The following AGO2 variants were observed in gnomAD, a reference collection of about 807,000 sequenced individuals.
AGO2 encodes the protein protein argonaute-2.
In AGO2, 5 loss-of-function variants were observed where a neutral mutation model predicts 102.3. The ratio of observed to expected loss-of-function variants is 0.05; its 90% CI spans 0.03 to 0.10. The LOEUF (loss-of-function observed/expected upper bound fraction) is 0.10, where lower values mean the gene tolerates loss of function less well. AGO2 is among the 10% of genes least tolerant of loss of function. The probability of loss-of-function intolerance (pLI) is 1.00; values close to 1 mark genes in which losing one functional copy is unlikely to be tolerated. For synonymous variants in AGO2, 449 were observed against 473.1 expected, an observed-to-expected ratio of 0.95 and a Z score of 0.66; for missense variants, 541 against 1,183.7, an observed-to-expected ratio of 0.46 and a Z score of 7.97.
chr8:140,537,605 AT>A (rs71504804), intron 16 of AGO2, among the ~76,000 whole-genome samples: 33,308 of 151,110 alleles, frequency 0.22, 4,117 homozygotes, highest in East Asian at 0.31. Flanking sequence ...CCTGGCCCCA[AT>A]TTTTTTTCCT....
intron 4 of AGO2, 47 bp from the exon 5 acceptor site, chr8:140,560,557 G>A (rs755815354): frequency 1.1e-5 from 18 of 1,583,646 alleles, no homozygotes; most frequent in South Asian, 8.9e-5. Flanking sequence ...TGTGTCTTCC[G>A]GAAGGAACAG....
At chr8:140,602,469 T>C (rs1023538453) in intron 1 of AGO2, among the ~76,000 whole-genome samples, 5 of 152,234 alleles carry the variant, frequency 3.3e-5, no homozygotes, top group Non-Finnish European at 5.9e-5. Flanking sequence ...ACTGTTCCAA[T>C]GTTAATAAAA....
Position 140,601,981 on chromosome 8 carries a change from G to C in AGO2, c.23-16670C>G, listed in dbSNP as rs1238517580. Among the ~76,000 whole-genome samples the C allele has an allele frequency of 2.6e-5, 4 of 152,238 alleles. No individual in the cohort carries two copies. The South Asian group carries it at 6.2e-4, about 24-fold the overall frequency. On this transcript the variant is annotated intron_variant, in intron 1 of 18. Coordinates refer to ENST00000220592, the MANE Select transcript of AGO2 (RefSeq NM_012154.5). ...AGCCTGAATCCCTGAATAGCTGCAT[G>C]GAGCAGAGCAGCTAAGCCCACACAG...
chr8:140,611,478 C>T (rs750429503), intron 1 of AGO2, among the ~76,000 whole-genome samples: 4 of 152,108 alleles, frequency 2.6e-5, no homozygotes, highest in Non-Finnish European at 5.9e-5. Flanking sequence ...CAGGCGCCCA[C>T]CACCACACCG....
chr8:140,589,353 G>T lies in AGO2; in HGVS notation c.23-4042C>A, dbSNP rs964033850. ...CCGTGAAGCCGCTTTGGCTACCGGC[G>T]GGTGAACCACAGGCCCGGGTCAGCA... On this transcript the variant is annotated intron_variant, in intron 1 of 18. Coordinates refer to ENST00000220592, the MANE Select transcript of AGO2 (RefSeq NM_012154.5). This position sits in a 1 kb window ranked among gnomAD's most constrained non-coding sequence, Gnocchi z 4.2. Among the ~76,000 whole-genome samples, 1 of 152,102 alleles carries T rather than the reference G, an allele frequency of 6.6e-6. No homozygotes were observed. Among genetic ancestry groups the T allele is most frequent in the Non-Finnish European group, 1.5e-5 (1 of 68,002 alleles).
At chr8:140,619,792 C>T (rs1170000001) in intron 1 of AGO2, among the ~76,000 whole-genome samples, 1 of 152,216 alleles carries the variant, frequency 6.6e-6, no homozygotes, top group African/African-American at 2.4e-5. Context: ...GGGTTCTCAA[C>T]ACCTGCTAAG....
In AGO2 at chr8:140,531,955, T is replaced by C; in HGVS notation, c.*89A>G. The C allele has an allele frequency of 9.1e-7, 1 of 1,093,126 alleles. No homozygotes were observed. Among genetic ancestry groups the C allele is most frequent in the African/African-American group, 1.5e-5 (1 of 64,872 alleles). 67.7% of individuals were successfully genotyped at this position (1,093,126 alleles called of 1,614,324 possible). On this transcript the variant is annotated 3_prime_UTR_variant, in exon 19 of 19. Transcript: ENST00000220592. The stretch of plus-strand genomic sequence containing the variant: ...ATGACGTCTCATGTTCGATGCTGGC[T>C]GTCACGGAAGGGCTGGCCATCTGTT...
rs35849440 is a variant in AGO2 at position 140,532,002 on chromosome 8, G to T, written c.*42C>A. 3.5e-3 allele frequency: 5,590 copies of T among 1,575,280 alleles called. 18 individuals carry two copies. Among genetic ancestry groups the T allele is most frequent in the Non-Finnish European group, 4.1e-3 (4,719 of 1,145,800 alleles). ...TGTTGGTCTGAGTGTAGCTGGTCTC[G>T]TGAATCCCACTCGGTACACAATCGC... On this transcript the variant is annotated 3_prime_UTR_variant, in exon 19 of 19. Transcript: ENST00000220592.
At chr8:140,537,308 A>G (rs1016190809) in intron 16 of AGO2, among the ~76,000 whole-genome samples, 1 of 148,716 alleles carries the variant, frequency 6.7e-6, no homozygotes, top group South Asian at 2.1e-4. Flanking sequence ...CACTCTTCCA[A>G]TTTTCAGGGT....
At chr8:140,595,964 T>A (rs1187624775) in intron 1 of AGO2, among the ~76,000 whole-genome samples, 1 of 66,938 alleles carries the variant, frequency 1.5e-5, no homozygotes, top group Non-Finnish European at 3.2e-5. Context: ...ATAATATATA[T>A]AAATTATATA....
Position 140,567,793 on chromosome 8 carries a change from C to G in AGO2, c.336+5019G>C, listed in dbSNP as rs2073311192. 6.6e-6 allele frequency among the ~76,000 whole-genome samples: 1 copy of G among 152,088 alleles called. No homozygotes were observed. The highest frequency in any genetic ancestry group is 2.4e-5 in the African/African-American group (1 of 41,408). On this transcript the variant is annotated intron_variant, in intron 3 of 18. Transcript: ENST00000220592. The surrounding 1 kb of genome is among the most constrained non-coding windows in gnomAD (Gnocchi z 5.0). ...TCATGGGGTGATTCCTCTTTGGGGT[C>G]GTCACACAACTCAGCAACAAAGGGA...
At chr8:140,615,507 G>C (rs578254738) in intron 1 of AGO2, among the ~76,000 whole-genome samples, 1 of 152,364 alleles carries the variant, frequency 6.6e-6, no homozygotes, top group East Asian at 1.9e-4. Context: ...AGGGTGGCAG[G>C]CTCGTGAGTT....
chr8:140,548,342 A>T (rs902775532), intron 12 of AGO2, among the ~76,000 whole-genome samples: 1 of 151,982 alleles, frequency 6.6e-6, no homozygotes, highest in South Asian at 2.1e-4. Flanking sequence ...AAGGAAAAGA[A>T]AAAAAGGAGG....
chr8:140,624,464 C>G (rs2074251109), intron 1 of AGO2, among the ~76,000 whole-genome samples: 1 of 152,246 alleles, frequency 6.6e-6, no homozygotes. Context: ...AAACACCCCT[C>G]CAGCTCCGGC....
At chr8:140,565,578 T>C (rs1588462855) in intron 3 of AGO2, among the ~76,000 whole-genome samples, 1 of 151,302 alleles carries the variant, frequency 6.6e-6, no homozygotes, top group Non-Finnish European at 1.5e-5. Context: ...GAGGTGAAGG[T>C]TGCAGTGAGC....
chr8:140,593,435 A>G (rs1034109989), intron 1 of AGO2, among the ~76,000 whole-genome samples: 2 of 149,264 alleles, frequency 1.3e-5, no homozygotes, highest in Non-Finnish European at 3.0e-5. Context: ...CAGGTGATCC[A>G]CCCGCCTCGG....
At chr8:140,548,145 G>GTCTCTACTA (rs1482631529) in intron 12 of AGO2, among the ~76,000 whole-genome samples, 2 of 152,016 alleles carry the variant, frequency 1.3e-5, no homozygotes, top group Non-Finnish European at 2.9e-5. Context: ...GCAAAACCCT[G>GTCTCTACTA]TCTCTACTAA....
intron 1 of AGO2, among the ~76,000 whole-genome samples, chr8:140,625,688 T>C (rs935994412): frequency 6.6e-6 from 1 of 152,188 alleles, no homozygotes; most frequent in Non-Finnish European, 1.5e-5. Flanking sequence ...GACTCTACCA[T>C]GCGCATCCCC....
intron 1 of AGO2, among the ~76,000 whole-genome samples, chr8:140,619,368 T>C: frequency 6.6e-6 from 1 of 152,194 alleles, no homozygotes; most frequent in Non-Finnish European, 1.5e-5. Flanking sequence ...ATCCACTGAA[T>C]GTCTTACACT....
Sources: allele counts gnomAD v4.1 joint callset (sites outside exome capture counted in the v4.1 genomes callset), GRCh38; gene constraint gnomAD v4.1.1; non-coding constraint Gnocchi (gnomAD v3.1); transcripts MANE v1.5; gene names NCBI Gene and HGNC (gene_info 2026-07-23, HGNC 2026-07-21).